Variants in ATP9A observed in about 807,000 individuals in gnomAD.
ATP9A encodes the protein probable phospholipid-transporting ATPase IIA.
A neutral mutation model predicts 144.1 loss-of-function variants in ATP9A; 52 were observed. The observed-to-expected ratio is 0.36, with a 90% CI of 0.29 to 0.45. The LOEUF (loss-of-function observed/expected upper bound fraction) is 0.45. ATP9A is among the 20% of genes least tolerant of loss of function. The pLI is 1.00. For synonymous variants in ATP9A, 582 were observed against 557.4 expected (o/e 1.04, Z -0.62); for missense variants, 947 against 1,392.7 (o/e 0.68, Z 5.09).
At chr20:51,761,829 T>C (rs1239481863) in intron 1 of ATP9A, among the ~76,000 whole-genome samples, 1 of 151,744 alleles carries the variant, frequency 6.6e-6, no homozygotes, top group Non-Finnish European at 1.5e-5. Flanking sequence ...TACAGTTAGG[T>C]CCGAAGTCCA....
intron 14 of ATP9A, among the ~76,000 whole-genome samples, chr20:51,651,328 AT>A (rs1235887539): frequency 7.1e-6 from 1 of 141,282 alleles, no homozygotes; most frequent in Non-Finnish European, 1.5e-5. Context: ...TATAATATAT[AT>A]TTACATAATA....
chr20:51,688,642 T>C (rs1362622251), intron 9 of ATP9A, among the ~76,000 whole-genome samples: 1 of 151,882 alleles, frequency 6.6e-6, no homozygotes, highest in African/African-American at 2.4e-5. Context: ...AAGGCACCAA[T>C]ATCCACTTCC....
intron 22 of ATP9A, 150 bp downstream of exon 22, chr20:51,617,340 C>T: frequency 1.2e-6 from 1 of 804,996 alleles, no homozygotes; most frequent in Non-Finnish European, 2.0e-6. Context: ...CCTCTATCTT[C>T]CCAGTGACAC....
At chr20:51,601,685 G>A (rs1601047890) in intron 27 of ATP9A, among the ~76,000 whole-genome samples, 2 of 152,166 alleles carry the variant, frequency 1.3e-5, no homozygotes, top group African/African-American at 4.8e-5. Flanking sequence ...GCGGGCAGAA[G>A]AATTGAACCC....
Position 51,651,248 on chromosome 20 carries a change from T to TTTACATAATATATTATATAATATATA in ATP9A, c.1506+5664_1506+5689dup, listed in dbSNP as rs2077363723. ...TAAATTATTATTTACATAATATATA[T>TTTACATAATATATTATATAATATATA]TTACATAATATATTATATAATATAT... On this transcript the variant is annotated intron_variant, in intron 14 of 27. Transcript: ENST00000338821. Among the ~76,000 whole-genome samples, 14 of 125,914 alleles carry TTTACATAATATATTATATAATATATA rather than the reference T, an allele frequency of 1.1e-4. 1 individual carries two copies. The South Asian group carries it at 3.3e-3, about 30-fold the overall frequency. 82.6% of individuals were successfully genotyped at this position (125,914 alleles called of 152,430 possible). A position where few individuals can be genotyped will look rare whatever the true frequency, so the allele number is the denominator to read the frequency against.
chr20:51,672,748 T>C (rs1301839081), intron 11 of ATP9A, among the ~76,000 whole-genome samples: 1 of 152,154 alleles, frequency 6.6e-6, no homozygotes, highest in Non-Finnish European at 1.5e-5. Context: ...ATTTACTAAT[T>C]ATCATGGGGA....
At chr20:51,722,404 C>A (rs1215512733) in intron 3 of ATP9A, among the ~76,000 whole-genome samples, 1 of 152,210 alleles carries the variant, frequency 6.6e-6, no homozygotes, top group Admixed American at 6.5e-5. Flanking sequence ...AGTAAACAGA[C>A]AACCCACAGA....
chr20:51,621,948 G>A (rs1304460462), intron 19 of ATP9A, 126 bp downstream of exon 19: 4 of 788,086 alleles, frequency 5.1e-6, no homozygotes, highest in Admixed American at 4.9e-5. Context: ...AACCGTGGTT[G>A]ATGCTCCCCA....
intron 22 of ATP9A, among the ~76,000 whole-genome samples, chr20:51,617,220 C>T (rs1487592560): frequency 2.6e-5 from 4 of 152,098 alleles, no homozygotes; most frequent in Non-Finnish European, 5.9e-5. Context: ...GCTGGGATTA[C>T]AGGCGTGAGC....
intron 3 of ATP9A, among the ~76,000 whole-genome samples, chr20:51,724,039 C>G (rs985792198): frequency 6.6e-6 from 1 of 151,766 alleles, no homozygotes; most frequent in South Asian, 2.1e-4. Context: ...GGCACAGTGG[C>G]GGGCACCTGT....
At chr20:51,657,660 G>A (rs934229624) in intron 13 of ATP9A, among the ~76,000 whole-genome samples, 4 of 152,154 alleles carry the variant, frequency 2.6e-5, no homozygotes, top group Admixed American at 6.5e-5. Flanking sequence ...AATCACCCTC[G>A]GCTTAGAACC....
At chr20:51,616,280 G>GC in intron 22 of ATP9A, among the ~76,000 whole-genome samples, 1 of 152,238 alleles carries the variant, frequency 6.6e-6, no homozygotes, top group South Asian at 2.1e-4. Context: ...CATCTCTGCT[G>GC]CCCCCTCCGG....
At chr20:51,667,076 C>G (rs2077436086) in intron 13 of ATP9A, among the ~76,000 whole-genome samples, 1 of 152,166 alleles carries the variant, frequency 6.6e-6, no homozygotes, top group African/African-American at 2.4e-5. Context: ...CAACACACAG[C>G]TGTGTCAGAC....
Position 51,610,341 on chromosome 20 carries a change from G to A in ATP9A, c.2572-176C>T, listed in dbSNP as rs187872643. Among the ~76,000 whole-genome samples the A allele has an allele frequency of 1.6e-3, 243 of 152,240 alleles. 1 individual carries two copies. Among genetic ancestry groups the A allele is most frequent in the African/African-American group, 5.6e-3 (233 of 41,522 alleles). Reference sequence around the variant, plus strand: ...CATCAACAACAACCCTATGAAGTAGGTACGATTCTCATCATCCTCATTATG... The same window carrying A: ...CATCAACAACAACCCTATGAAGTAGATACGATTCTCATCATCCTCATTATG... On this transcript the variant is annotated intron_variant, in intron 23 of 27. Transcript: ENST00000338821.
chr20:51,751,807 C>T (rs1213620169), intron 1 of ATP9A, among the ~76,000 whole-genome samples: 1 of 152,090 alleles, frequency 6.6e-6, no homozygotes, highest in Non-Finnish European at 1.5e-5. Context: ...CCAGGATGGT[C>T]TCGATCTCCT....
Position 51,718,814 on chromosome 20 carries a change from C to CAAAAAAAAAAAAAA in ATP9A, c.328-5754_328-5741dup, listed in dbSNP as rs71192550. Among the ~76,000 whole-genome samples the CAAAAAAAAAAAAAA allele has an allele frequency of 3.5e-4, 20 of 57,690 alleles. 1 individual carries two copies. Among genetic ancestry groups the CAAAAAAAAAAAAAA allele is most frequent in the African/African-American group, 4.4e-4 (5 of 11,242 alleles). 37.8% of individuals were successfully genotyped at this position (57,690 alleles called of 152,430 possible). A position where few individuals can be genotyped will look rare whatever the true frequency, so the allele number is the denominator to read the frequency against. ...TGGGCAACAGAGCAAGACTCCATCT[C>CAAAAAAAAAAAAAA]AAAAAAAAAAAAAAAAAAAAAAAAA... On this transcript the variant is annotated intron_variant, in intron 3 of 27. Transcript: ENST00000338821.
intron 27 of ATP9A, 87 bp from the exon 28 acceptor site, chr20:51,601,434 A>G (rs2077142659): frequency 1.5e-6 from 2 of 1,356,592 alleles, no homozygotes; most frequent in South Asian, 1.6e-5. Flanking sequence ...ACAACTATCA[A>G]AGGGAAAGTC....
chr20:51,673,056 A>G (rs982595179), intron 11 of ATP9A, among the ~76,000 whole-genome samples: 1 of 152,112 alleles, frequency 6.6e-6, no homozygotes, highest in African/African-American at 2.4e-5. Flanking sequence ...TTTTTCTACT[A>G]TGAAAATCTA....
chr20:51,749,027 A>G (rs2077820442), intron 1 of ATP9A, among the ~76,000 whole-genome samples: 1 of 152,106 alleles, frequency 6.6e-6, no homozygotes, highest in Non-Finnish European at 1.5e-5. Flanking sequence ...GGCTAAACAA[A>G]CTACAGTACT....
Sources: gnomAD v4.1 joint callset for allele counts (sites outside exome capture counted in the v4.1 genomes callset) on GRCh38, gnomAD v4.1.1 for gene constraint, MANE v1.5 for transcripts, NCBI Gene and HGNC (gene_info 2026-07-23, HGNC 2026-07-21) for gene names.